The following NPAS3 variants were observed in gnomAD, a reference collection of about 807,000 sequenced individuals.
The protein encoded by NPAS3 is neuronal PAS domain protein 3.
A neutral mutation model predicts 73.1 loss-of-function variants in NPAS3; 14 were observed. The ratio of observed to expected loss-of-function variants is 0.19; its 90% confidence interval spans 0.13 to 0.30. NPAS3 has a LOEUF of 0.30. Among genes scored for constraint, NPAS3 ranks in the 10% least tolerant of loss-of-function variants. The pLI is 1.00. For missense variants in NPAS3, 1,096 were observed against 1,250.0 expected, an observed-to-expected ratio of 0.88 and a Z score of 1.86; for synonymous variants, 620 against 541.5, an observed-to-expected ratio of 1.14 and a Z score of -2.01.
chr14:33,045,846 C>T (rs892156169), intron 1 of NPAS3, among the ~76,000 whole-genome samples: 3 of 152,060 alleles, frequency 2.0e-5, no homozygotes, highest in Non-Finnish European at 2.9e-5. Context: ...TTAAATTAAA[C>T]GAGAAGGAAA....
At chr14:33,198,120 G>A (rs1304239283) in intron 2 of NPAS3, among the ~76,000 whole-genome samples, 1 of 152,172 alleles carries the variant, frequency 6.6e-6, no homozygotes, top group Non-Finnish European at 1.5e-5. Flanking sequence ...GATCTCACTG[G>A]CCTCAGGAGT....
chr14:33,507,756 C>G (rs879354232), intron 4 of NPAS3, among the ~76,000 whole-genome samples: 8 of 151,946 alleles, frequency 5.3e-5, no homozygotes, highest in African/African-American at 1.9e-4. Flanking sequence ...TAATAAATAT[C>G]AAGAGTTAAT....
At chr14:33,141,389 C>T (rs1194121968) in intron 2 of NPAS3, among the ~76,000 whole-genome samples, 1 of 152,068 alleles carries the variant, frequency 6.6e-6, no homozygotes, top group East Asian at 1.9e-4. Context: ...GGCACGCTGG[C>T]CTCCATTTAT....
At chr14:33,784,327 C>T (rs1026361917) in intron 9 of NPAS3, among the ~76,000 whole-genome samples, 2 of 152,124 alleles carry the variant, frequency 1.3e-5, no homozygotes, top group African/African-American at 4.8e-5. Flanking sequence ...TGTCCACCTT[C>T]GAGGAGCTTA....
In NPAS3 at chr14:33,509,826, C is replaced by T. The variant is rs76146117; in HGVS notation, c.469-50295C>T. Reference sequence around the variant, plus strand: ...AGTCCATAGAGCCTATATAGATAGACGCTATCAGACTATGTTTATGACTTT... The same window carrying T: ...AGTCCATAGAGCCTATATAGATAGATGCTATCAGACTATGTTTATGACTTT... On this transcript the variant is annotated intron_variant, in intron 4 of 11. Transcript: ENST00000356141. Among the ~76,000 whole-genome samples, 315 of 152,106 alleles carry T rather than the reference C, an allele frequency of 2.1e-3. 1 individual carries two copies. Among genetic ancestry groups the T allele is most frequent in the African/African-American group, 7.0e-3 (289 of 41,530 alleles).
intron 4 of NPAS3, among the ~76,000 whole-genome samples, chr14:33,475,887 G>A (rs1484728935): frequency 6.6e-6 from 1 of 152,132 alleles, no homozygotes; most frequent in Admixed American, 6.6e-5. Flanking sequence ...AATTCTGCCA[G>A]CTGCCTGGCC....
intron 3 of NPAS3, among the ~76,000 whole-genome samples, chr14:33,315,507 G>T (rs1304646800): frequency 5.4e-5 from 3 of 55,498 alleles, no homozygotes; most frequent in East Asian, 2.2e-3. Flanking sequence ...AGAGTGTGTC[G>T]GGGGGGGAGT....
chr14:33,408,884 A>G (rs765384874), intron 4 of NPAS3, among the ~76,000 whole-genome samples: 4 of 152,180 alleles, frequency 2.6e-5, no homozygotes, highest in African/African-American at 9.7e-5. Context: ...TGAGTCCTCC[A>G]GAGGAAAGTG....
At chr14:33,150,081 C>T (rs7140801) in intron 2 of NPAS3, among the ~76,000 whole-genome samples, 57,079 of 151,902 alleles carry the variant, frequency 0.38, 11,231 homozygotes, top group Middle Eastern at 0.49. Context: ...ATGATGGTTT[C>T]CAGCTTCATC....
intron 2 of NPAS3, among the ~76,000 whole-genome samples, chr14:33,138,054 T>TCC (rs372040377): frequency 1.7e-5 from 1 of 58,860 alleles, no homozygotes; most frequent in Non-Finnish European, 3.6e-5. Context: ...TCTATCACTT[T>TCC]TTTTTTTTTT....
chr14:33,371,061 G>A (rs1017108225), intron 4 of NPAS3, among the ~76,000 whole-genome samples: 3 of 152,072 alleles, frequency 2.0e-5, no homozygotes, highest in African/African-American at 7.2e-5. Flanking sequence ...GCAAAGAGAG[G>A]GTTAAGGAGA....
At chr14:33,026,975 C>G (rs2039826761) in intron 1 of NPAS3, among the ~76,000 whole-genome samples, 1 of 152,108 alleles carries the variant, frequency 6.6e-6, no homozygotes, top group African/African-American at 2.4e-5. Flanking sequence ...TCCAGGGACT[C>G]TCTAGGATCT....
At chr14:33,042,338 G>A (rs2040373131) in intron 1 of NPAS3, among the ~76,000 whole-genome samples, 1 of 152,130 alleles carries the variant, frequency 6.6e-6, no homozygotes, top group Non-Finnish European at 1.5e-5. Context: ...CCTGGGTGTT[G>A]AATCCTCTAT....
chr14:32,949,495 T>C (rs539838632), intron 1 of NPAS3, among the ~76,000 whole-genome samples: 5 of 152,094 alleles, frequency 3.3e-5, no homozygotes, highest in Non-Finnish European at 5.9e-5. Flanking sequence ...CTTATTGCTC[T>C]GATATGTGAA....
At chr14:32,961,365 T>C (rs12886211) in intron 1 of NPAS3, among the ~76,000 whole-genome samples, 49,045 of 147,218 alleles carry the variant, frequency 0.33, 9,047 homozygotes, top group African/African-American at 0.5. Flanking sequence ...GAGCTGAGAT[T>C]GCACCACAGC....
At chr14:33,389,185 C>T (rs982747850) in intron 4 of NPAS3, among the ~76,000 whole-genome samples, 7 of 152,206 alleles carry the variant, frequency 4.6e-5, no homozygotes, top group Non-Finnish European at 1.0e-4. Flanking sequence ...AACAAGTAAA[C>T]GATCATTATT....
chr14:33,554,388 T>C (rs2055259678), intron 4 of NPAS3, among the ~76,000 whole-genome samples: 1 of 152,220 alleles, frequency 6.6e-6, no homozygotes, highest in African/African-American at 2.4e-5. Flanking sequence ...TTCTCTGCAG[T>C]CTGAGCCTGA....
intron 2 of NPAS3, among the ~76,000 whole-genome samples, chr14:33,100,698 T>A (rs1009678431): frequency 5.9e-5 from 9 of 152,148 alleles, no homozygotes; most frequent in African/African-American, 9.7e-5. Context: ...ACATAAATTA[T>A]TTTTAGTGCA....
At chr14:33,688,993 C>T (rs989895252) in intron 6 of NPAS3, among the ~76,000 whole-genome samples, 1 of 152,210 alleles carries the variant, frequency 6.6e-6, no homozygotes, top group Non-Finnish European at 1.5e-5. Flanking sequence ...GGTTAACTTG[C>T]AGGTTACCCT....
Sources: gnomAD v4.1 joint callset for allele counts (sites outside exome capture counted in the v4.1 genomes callset) on GRCh38, gnomAD v4.1.1 for gene constraint, MANE v1.5 for transcripts, NCBI Gene and HGNC (gene_info 2026-07-23, HGNC 2026-07-21) for gene names.